ZBTB16: variants seen among roughly 807,000 people sequenced by gnomAD.
ZBTB16 encodes zinc finger and BTB domain-containing protein 16.
ZBTB16 carries 8 observed loss-of-function variants against 56.8 expected under a neutral mutation model. That is an observed-to-expected ratio of 0.14 (90% CI 0.08 to 0.25). ZBTB16 has a LOEUF of 0.25. ZBTB16 is among the 10% of genes least tolerant of loss of function. ZBTB16 has a pLI of 1.00. For synonymous variants in ZBTB16, 363 were observed against 368.5 expected (o/e 0.98, Z 0.17); for missense variants, 625 against 903.0 (o/e 0.69, Z 3.95).
At chr11:114,118,842 C>T (rs569669532) in intron 2 of ZBTB16, among the ~76,000 whole-genome samples, 19 of 152,266 alleles carry the variant, frequency 1.2e-4, no homozygotes, top group Non-Finnish European at 4.4e-5. Flanking sequence ...AGTGTTCTGG[C>T]TTTCATGGTT....
At chr11:114,120,163 A>G (rs1941301019) in intron 2 of ZBTB16, among the ~76,000 whole-genome samples, 1 of 152,146 alleles carries the variant, frequency 6.6e-6, no homozygotes, top group Non-Finnish European at 1.5e-5. Flanking sequence ...ACCTTCGATC[A>G]CTTGGAAGGC....
At chr11:114,202,002 C>G (rs931238131) in intron 4 of ZBTB16, among the ~76,000 whole-genome samples, 1 of 152,206 alleles carries the variant, frequency 6.6e-6, no homozygotes, top group African/African-American at 2.4e-5. Context: ...TGGGAGCGCT[C>G]ATGGACATCA....
In ZBTB16 at chr11:114,243,526, G is replaced by C. The variant is rs80020614; in HGVS notation, c.1624+1189G>C. On this transcript the variant is annotated intron_variant, in intron 5 of 6. Transcript: ENST00000335953. ...TTGTTCAGGGGAGCACATTGTCTTA[G>C]CATCACCAGATTTGCACAGAACTAC... is the stretch of plus-strand genomic sequence containing the variant. Among the ~76,000 whole-genome samples, 601 of 152,322 alleles carry C rather than the reference G, an allele frequency of 3.9e-3. 3 individuals are homozygous for C. Among genetic ancestry groups the C allele is most frequent in the Non-Finnish European group, 6.1e-3 (412 of 68,018 alleles).
chr11:114,233,125 A>ACACACACACACACT (rs1443230792), intron 4 of ZBTB16, among the ~76,000 whole-genome samples: 2 of 54,720 alleles, frequency 3.7e-5, no homozygotes, highest in African/African-American at 1.0e-4. Context: ...ACACACACAC[A>ACACACACACACACT]CTCTCTCTCT....
chr11:114,240,728 C>T (rs1944685659), intron 4 of ZBTB16, among the ~76,000 whole-genome samples: 1 of 152,114 alleles, frequency 6.6e-6, no homozygotes, highest in Non-Finnish European at 1.5e-5. Flanking sequence ...GGCCATGGCT[C>T]CAGAGCAGTG....
intron 3 of ZBTB16, chr11:114,180,720 A>C (rs1197846423): frequency 6.6e-6 from 1 of 152,228 alleles, no homozygotes; most frequent in East Asian, 1.9e-4. Context: ...TGAGTTCTGC[A>C]CCCAGGAACC....
At chr11:114,083,270 C>T (rs1212619000) in intron 2 of ZBTB16, among the ~76,000 whole-genome samples, 2 of 152,196 alleles carry the variant, frequency 1.3e-5, no homozygotes, top group East Asian at 3.8e-4. Context: ...TGCTTGGCAC[C>T]TACCACCTTT....
chr11:114,189,412 T>TA (rs1473824330), intron 4 of ZBTB16: 1 of 151,964 alleles, frequency 6.6e-6, no homozygotes, highest in Non-Finnish European at 1.5e-5. Flanking sequence ...GTGGCTACAA[T>TA]AAAAAATACA....
chr11:114,112,765 T>TTC (rs1049404807), intron 2 of ZBTB16, among the ~76,000 whole-genome samples: 1 of 148,680 alleles, frequency 6.7e-6, no homozygotes, highest in African/African-American at 2.5e-5. Flanking sequence ...ATTTTCTTTT[T>TTC]TTTTTTTTTT....
At chr11:114,224,305 C>T (rs989139392) in intron 4 of ZBTB16, among the ~76,000 whole-genome samples, 1 of 152,112 alleles carries the variant, frequency 6.6e-6, no homozygotes. Context: ...TGATCTCTTT[C>T]GAGAGGTGAG....
chr11:114,151,273 C>A (rs1325072358), intron 2 of ZBTB16, among the ~76,000 whole-genome samples: 7 of 152,108 alleles, frequency 4.6e-5, no homozygotes, highest in Admixed American at 4.6e-4. Context: ...TGTGGAGTGG[C>A]CTCATACCTA....
At chr11:114,133,930 A>G (rs1941733716) in intron 2 of ZBTB16, among the ~76,000 whole-genome samples, 1 of 152,176 alleles carries the variant, frequency 6.6e-6, no homozygotes, top group African/African-American at 2.4e-5. Flanking sequence ...GGCTAGTGAA[A>G]TGTTGACATC....
chr11:114,167,716 A>C (rs1040320212), intron 3 of ZBTB16, among the ~76,000 whole-genome samples: 2 of 151,944 alleles, frequency 1.3e-5, no homozygotes, highest in Non-Finnish European at 2.9e-5. Flanking sequence ...GAATGGCAAG[A>C]TTCTTTTATC....
Position 114,063,937 on chromosome 11 carries a change from C to T in ZBTB16, c.637C>T (p.Leu213Phe), listed in dbSNP as rs771495746. 9 of 1,613,928 alleles carry T rather than the reference C, an allele frequency of 5.6e-6. No homozygotes were observed. Among genetic ancestry groups the T allele is most frequent in the Non-Finnish European group, 6.8e-6 (8 of 1,180,034 alleles). The change falls in exon 2 of 7, where the codon CTC becomes TTC. Residue 213 changes from leucine to phenylalanine, a missense_variant. This residue lies in a region of ZBTB16 where 384 missense variants were observed against 393.5 expected (regional missense o/e 0.98). Transcript: ENST00000335953. The surrounding 1 kb of genome is among the most constrained non-coding windows in gnomAD (Gnocchi z 6.5). ...VDSLMTIGQS[L>F]LQGTLQPPAG... is the part of the protein sequence containing the mutation. The stretch of plus-strand genomic sequence containing the variant: ...CAGTTTGATGACCATAGGACAGTCT[C>T]TCCTGCAGGGAACTCTTCAGCCACC...
chr11:114,112,330 C>A (rs1463810394), intron 2 of ZBTB16, among the ~76,000 whole-genome samples: 1 of 152,104 alleles, frequency 6.6e-6, no homozygotes, highest in Non-Finnish European at 1.5e-5. Context: ...ACAATGATGT[C>A]TGTAGCGTAG....
intron 4 of ZBTB16, among the ~76,000 whole-genome samples, chr11:114,211,510 G>A (rs1211360887): frequency 6.6e-6 from 1 of 152,196 alleles, no homozygotes; most frequent in African/African-American, 2.4e-5. Flanking sequence ...GGGGTTTGGT[G>A]CTTACTAAGT....
chr11:114,201,229 G>A (rs1943729850), intron 4 of ZBTB16, among the ~76,000 whole-genome samples: 1 of 152,164 alleles, frequency 6.6e-6, no homozygotes, highest in Admixed American at 6.5e-5. Context: ...GGTACCCAAA[G>A]GGAGTGGAGG....
At chr11:114,082,701 G>A (rs2137701164) in intron 2 of ZBTB16, among the ~76,000 whole-genome samples, 1 of 152,228 alleles carries the variant, frequency 6.6e-6, no homozygotes, top group East Asian at 1.9e-4. Flanking sequence ...AAGATTTGAT[G>A]AGAGGACATG....
Position 114,063,938 on chromosome 11 carries a change from T to G in ZBTB16, c.638T>G (p.Leu213Arg). ...VDSLMTIGQS[L>R]LQGTLQPPAG... is the part of the protein sequence containing the mutation. The stretch of plus-strand genomic sequence containing the variant: ...AGTTTGATGACCATAGGACAGTCTC[T>G]CCTGCAGGGAACTCTTCAGCCACCT... Residue 213 changes from leucine to arginine, a missense_variant, in exon 2 of 7, where the codon CTC becomes CGC. Physicochemically the swap from Leu to Arg is moderately radical, Grantham distance 102. This residue lies in a region of ZBTB16 where 384 missense variants were observed against 393.5 expected (regional missense o/e 0.98). Transcript: ENST00000335953. The surrounding 1 kb of genome is among the most constrained non-coding windows in gnomAD (Gnocchi z 6.5). 1 of 1,613,862 alleles carries G rather than the reference T, an allele frequency of 6.2e-7. No homozygotes were observed. Among genetic ancestry groups the G allele is most frequent in the Non-Finnish European group, 8.5e-7 (1 of 1,180,016 alleles).
Sources: gnomAD v4.1 joint callset for allele counts (sites outside exome capture counted in the v4.1 genomes callset) on GRCh38, gnomAD v4.1.1 for gene constraint, gnomAD v4.1.1 regional missense constraint, Gnocchi (gnomAD v3.1) non-coding constraint, MANE v1.5 for transcripts, NCBI Gene and HGNC (gene_info 2026-07-23, HGNC 2026-07-21) for gene names.